HDC: variants seen among roughly 807,000 people sequenced by gnomAD.
HDC encodes the protein histidine decarboxylase.
HDC carries 27 observed loss-of-function variants against 64.4 expected under a neutral mutation model. That is an observed-to-expected ratio of 0.42 (90% CI 0.31 to 0.58). HDC has a LOEUF of 0.58. Ranked by LOEUF, HDC falls within the 20% of genes least tolerant of loss-of-function variation. The pLI is 0.16. For missense variants in HDC, 711 were observed against 833.9 expected (o/e 0.85, Z 1.81); for synonymous variants, 305 against 314.2 (o/e 0.97, Z 0.31).
intron 5 of HDC, 72 bp downstream of exon 5, chr15:50,254,458 A>G: frequency 6.2e-7 from 1 of 1,609,244 alleles, no homozygotes; most frequent in East Asian, 2.2e-5. Context: ...GTCTAGAAAA[A>G]AATTGCTCAA....
Position 50,242,642 on chromosome 15 carries a change from CT to C in HDC, c.1606del (p.Arg536GlyfsTer57). Reference sequence around the variant, plus strand: ...GGTTTCAAGATGGAGGCCATTTTCCCTTTTCATGGGACCGGCTCCCACACGC... The same window carrying C: ...GGTTTCAAGATGGAGGCCATTTTCCCTTTCATGGGACCGGCTCCCACACGC... Reference protein sequence around the residue: ...PQRVGAGPMKRENGLHLETLL... With the variant: ...PQRVGAGPMKXENGLHLETLL... On this transcript the variant is annotated frameshift_variant, in exon 12 of 12. Coordinates refer to ENST00000267845, the MANE Select transcript of HDC (RefSeq NM_002112.4). LOFTEE classifies it high-confidence loss of function. The C allele has an allele frequency of 6.2e-7, 1 of 1,614,162 alleles. No homozygotes were observed. The highest frequency in any genetic ancestry group is 1.1e-5 in the South Asian group (1 of 91,076).
Position 50,241,991 on chromosome 15 carries a change from A to G in HDC, c.*269T>C. On this transcript the variant is annotated 3_prime_UTR_variant, in exon 12 of 12. Transcript: ENST00000267845. ...ATAATTTATTTCTGTGTTATATATC[A>G]TGTCACAAGCTGAACCACAGAAGCT... 1.8e-6 allele frequency: 1 copy of G among 559,466 alleles called. No homozygotes were observed. Among genetic ancestry groups the G allele is most frequent in the Non-Finnish European group, 3.2e-6 (1 of 313,538 alleles). The allele number at this position is 559,466 out of a possible 1,614,324, so 34.7% of individuals were successfully genotyped here.
intron 10 of HDC, among the ~76,000 whole-genome samples, chr15:50,245,757 T>C (rs915737755): frequency 2.6e-5 from 4 of 151,996 alleles, no homozygotes; most frequent in Admixed American, 6.6e-5. Context: ...TAGCCAGGCA[T>C]GATGGTATGC....
chr15:50,244,101 T>C (rs374236857), intron 10 of HDC, among the ~76,000 whole-genome samples: 2 of 152,222 alleles, frequency 1.3e-5, no homozygotes, highest in African/African-American at 4.8e-5. Flanking sequence ...TGGGGTTTTT[T>C]GCTTTTTGTT....
chr15:50,250,601 G>A (rs1199498603), intron 9 of HDC, among the ~76,000 whole-genome samples: 1 of 152,102 alleles, frequency 6.6e-6, no homozygotes, highest in Non-Finnish European at 1.5e-5. Flanking sequence ...ATTCAAAAGG[G>A]CAAGGGTGAA....
rs1290704769 is a variant in HDC, at chr15:50,252,504, T to G, written c.967A>C (p.Lys323Gln). 1 of 1,614,172 alleles carries G rather than the reference T, an allele frequency of 6.2e-7. No individual in the cohort carries two copies. Among genetic ancestry groups the G allele is most frequent in the Admixed American group, 1.7e-5 (1 of 60,026 alleles). ...CTGFWVKDKY[K>Q]LQQTFSVNPI... ...TTCACACTGAAGGTCTGCTGCAGCT[T>G]GTACTTGTCCTTGACCCTGTGGGTT... The change falls in exon 9 of 12, where the codon AAG becomes CAG. Residue 323 changes from lysine (K) to glutamine (Q), a missense_variant. By Grantham distance (53) the Lys-to-Gln change is moderately conservative. Transcript: ENST00000267845.
rs2045730745 is a variant in HDC at position 50,263,418 on chromosome 15, CAT to C, written c.32-13_32-12del. ...CCACCATCTCTCTCCCTAGAAGTGACATAGAGAAATCAGGCTGAAATCCCCTG... is the reference window on the plus strand; with the variant it reads ...CCACCATCTCTCTCCCTAGAAGTGACAGAGAAATCAGGCTGAAATCCCCTG... On this transcript the variant is annotated splice_polypyrimidine_tract_variant and intron_variant, in intron 1 of 11. Coordinates refer to ENST00000267845, the MANE Select transcript of HDC (RefSeq NM_002112.4). The C allele has an allele frequency of 4.3e-6, 7 of 1,613,796 alleles. No individual in the cohort carries two copies. In the East Asian group the frequency reaches 1.6e-4, roughly 36 times the overall value.
chr15:50,262,542 C>G (rs1315925924), intron 2 of HDC, among the ~76,000 whole-genome samples: 1 of 152,204 alleles, frequency 6.6e-6, no homozygotes, highest in East Asian at 1.9e-4. Flanking sequence ...GGCTCCAGCT[C>G]AAGCCCATGC....
intron 10 of HDC, among the ~76,000 whole-genome samples, chr15:50,247,673 C>T (rs528162599): frequency 1.3e-5 from 2 of 152,316 alleles, no homozygotes; most frequent in African/African-American, 4.8e-5. Flanking sequence ...GCACCTGTCT[C>T]ATTTACCTCT....
chr15:50,257,363 G>T (rs1186389894), intron 4 of HDC, 62 bp downstream of exon 4: 2 of 1,608,722 alleles, frequency 1.2e-6, no homozygotes, highest in Non-Finnish European at 1.7e-6. Context: ...GCCAGGTTAG[G>T]GTTTGGCTTG....
intron 4 of HDC, among the ~76,000 whole-genome samples, chr15:50,256,392 AT>A (rs2045632016): frequency 6.6e-6 from 1 of 152,068 alleles, no homozygotes; most frequent in African/African-American, 2.4e-5. Context: ...CAACATGGCA[AT>A]TTTTTTATTT....
At chr15:50,246,789 C>T (rs190714110) in intron 10 of HDC, among the ~76,000 whole-genome samples, 1 of 152,310 alleles carries the variant, frequency 6.6e-6, no homozygotes, top group East Asian at 1.9e-4. Flanking sequence ...GTAACCTCCA[C>T]CAACCATTCC....
intron 2 of HDC, among the ~76,000 whole-genome samples, chr15:50,259,922 C>T (rs2045680664): frequency 6.6e-6 from 1 of 152,190 alleles, no homozygotes; most frequent in Non-Finnish European, 1.5e-5. Context: ...TCCCATCCCA[C>T]CTCAGTCCCT....
chr15:50,251,028 A>G (rs1377294892), intron 9 of HDC, among the ~76,000 whole-genome samples: 1 of 152,248 alleles, frequency 6.6e-6, no homozygotes, highest in African/African-American at 2.4e-5. Flanking sequence ...ATCTCTTCAC[A>G]AGGAAGGATG....
At chr15:50,245,302 C>G (rs1051686291) in intron 10 of HDC, among the ~76,000 whole-genome samples, 4 of 152,162 alleles carry the variant, frequency 2.6e-5, no homozygotes, top group African/African-American at 9.7e-5. Context: ...GAGGTAATTA[C>G]AATAGAGTAT....
In HDC at chr15:50,254,768, C is replaced by G. The variant is rs1056204928; in HGVS notation, c.442-104G>C. 8.7e-4 allele frequency: 881 copies of G among 1,017,148 alleles called. 2 individuals are homozygous for G. Among genetic ancestry groups the G allele is most frequent in the Non-Finnish European group, 1.2e-3 (792 of 681,134 alleles). The allele number at this position is 1,017,148 out of a possible 1,614,324, so 63.0% of individuals were successfully genotyped here. ...TCTCTCTCTCTCTCTCTCTCTCTCT[C>G]TCTCTCTCTGTGTGTGTATGTGTTT... On this transcript the variant is annotated intron_variant, in intron 4 of 11. Coordinates refer to ENST00000267845, the MANE Select transcript of HDC (RefSeq NM_002112.4).
chr15:50,245,495 T>C (rs1175306001), intron 10 of HDC, among the ~76,000 whole-genome samples: 1 of 152,186 alleles, frequency 6.6e-6, no homozygotes, highest in Non-Finnish European at 1.5e-5. Flanking sequence ...GAAGAGGTAC[T>C]CATTGAGTAC....
chr15:50,246,865 C>T lies in HDC; in HGVS notation c.1140+1380G>A, dbSNP rs748778859. On this transcript the variant is annotated intron_variant, in intron 10 of 11. Transcript: ENST00000267845. The stretch of plus-strand genomic sequence containing the variant: ...ACAGCACAAAGTGCCTAAAGTTCCT[C>T]AATATTGTTGGTGGCAGCTGCTCAT... Among the ~76,000 whole-genome samples, 5 of 152,172 alleles carry T rather than the reference C, an allele frequency of 3.3e-5. No homozygotes were observed. The South Asian group carries it at 6.2e-4, about 19-fold the overall frequency.
chr15:50,247,406 TA>T (rs550481749), intron 10 of HDC, among the ~76,000 whole-genome samples: 3 of 152,018 alleles, frequency 2.0e-5, no homozygotes, highest in African/African-American at 7.2e-5. Flanking sequence ...TTTTAAATGT[TA>T]AAAAAAATCA....
Sources: allele counts gnomAD v4.1 joint callset (sites outside exome capture counted in the v4.1 genomes callset), GRCh38; gene constraint gnomAD v4.1.1; transcripts MANE v1.5; gene names NCBI Gene and HGNC (gene_info 2026-07-23, HGNC 2026-07-21).